CERKL: variants seen among roughly 807,000 people sequenced by gnomAD.
CERKL encodes the protein CERK like autophagy regulator.
A neutral mutation model predicts 63.4 loss-of-function variants in CERKL; 61 were observed. The observed-to-expected ratio is 0.96, with a 90% confidence interval of 0.78 to 1.19. CERKL has a LOEUF of 1.19. CERKL is among the 50% of genes most tolerant of loss of function. The pLI is 0.00. For synonymous variants in CERKL, 250 were observed against 230.5 expected, an observed-to-expected ratio of 1.08 and a Z score of -0.77; for missense variants, 675 against 655.5, an observed-to-expected ratio of 1.03 and a Z score of -0.33.
At chr2:181,622,839 T>A (rs1194501518) in intron 1 of CERKL, among the ~76,000 whole-genome samples, 2 of 152,316 alleles carry the variant, frequency 1.3e-5, no homozygotes, top group Middle Eastern at 3.4e-3. Context: ...AATACAATTA[T>A]GGTCCCAAAG....
intron 6 of CERKL, among the ~76,000 whole-genome samples, 168 bp downstream of exon 6, chr2:181,549,466 G>A (rs1559072558): frequency 6.6e-6 from 1 of 152,078 alleles, no homozygotes; most frequent in Non-Finnish European, 1.5e-5. Flanking sequence ...GAAAAGACAG[G>A]CAATCCACAT....
intron 1 of CERKL, among the ~76,000 whole-genome samples, chr2:181,629,633 CA>C (rs11290035): frequency 0.57 from 80,327 of 142,054 alleles, 22,037 homozygotes; most frequent in East Asian, 0.81. Context: ...TAGTCATAGG[CA>C]AAAAAAAAAA....
intron 5 of CERKL, among the ~76,000 whole-genome samples, chr2:181,553,082 G>T (rs1289476090): frequency 6.6e-6 from 1 of 152,150 alleles, no homozygotes; most frequent in Non-Finnish European, 1.5e-5. Flanking sequence ...CTCAGAATGT[G>T]TTTGGAGGAG....
At chr2:181,596,726 G>A (rs1685225704) in intron 2 of CERKL, among the ~76,000 whole-genome samples, 1 of 152,142 alleles carries the variant, frequency 6.6e-6, no homozygotes, top group Admixed American at 6.5e-5. Flanking sequence ...TTCTACATAA[G>A]TTCATTCAAT....
intron 1 of CERKL, among the ~76,000 whole-genome samples, chr2:181,626,663 G>A (rs557434071): frequency 1.6e-4 from 25 of 152,344 alleles, no homozygotes; most frequent in African/African-American, 6.0e-4. Context: ...GGTACTGTTA[G>A]ATACATTTTG....
At chr2:181,580,705 C>T (rs989702150) in intron 2 of CERKL, among the ~76,000 whole-genome samples, 1 of 152,176 alleles carries the variant, frequency 6.6e-6, no homozygotes, top group African/African-American at 2.4e-5. Context: ...TAACACTGAT[C>T]TCTAGTTTTC....
At chr2:181,587,245 C>T (rs1182301932) in intron 2 of CERKL, among the ~76,000 whole-genome samples, 1 of 152,078 alleles carries the variant, frequency 6.6e-6, no homozygotes, top group African/African-American at 2.4e-5. Flanking sequence ...AAAAACAAAG[C>T]CATGTAACTT....
intron 2 of CERKL, among the ~76,000 whole-genome samples, chr2:181,586,073 C>T (rs1308246851): frequency 2.6e-5 from 4 of 152,080 alleles, no homozygotes; most frequent in African/African-American, 7.2e-5. Flanking sequence ...ATGCAGTAAA[C>T]CTATCTCCCA....
intron 1 of CERKL, among the ~76,000 whole-genome samples, chr2:181,654,651 C>T (rs1209075424): frequency 6.6e-6 from 1 of 152,204 alleles, no homozygotes; most frequent in Admixed American, 6.5e-5. Context: ...AGTACAGTAA[C>T]TTTGATGTAG....
intron 1 of CERKL, among the ~76,000 whole-genome samples, 158 bp from the exon 2 acceptor site, chr2:181,604,237 C>T (rs1685582322): frequency 6.6e-6 from 1 of 152,032 alleles, no homozygotes. Flanking sequence ...ATGAAATAAT[C>T]TGTACAACAA....
intron 12 of CERKL, 145 bp from the exon 13 acceptor site, chr2:181,538,389 A>T (rs1487840418): frequency 1.6e-6 from 1 of 613,008 alleles, no homozygotes; most frequent in African/African-American, 1.9e-5. Flanking sequence ...AAAACTGAGA[A>T]GGTCTGATTG....
chr2:181,586,646 A>G (rs1222087569), intron 2 of CERKL, among the ~76,000 whole-genome samples: 1 of 152,194 alleles, frequency 6.6e-6, no homozygotes, highest in East Asian at 1.9e-4. Context: ...CCAGTTTGCA[A>G]TGAACCAGCA....
At chr2:181,604,863 A>T (rs1685612232) in intron 1 of CERKL, among the ~76,000 whole-genome samples, 1 of 96,424 alleles carries the variant, frequency 1.0e-5, no homozygotes, top group African/African-American at 1.3e-4. Context: ...AATCAGACTT[A>T]AAAAAAAATA....
Position 181,544,693 on chromosome 2 carries a change from A to G in CERKL, c.1365+7T>C, listed in dbSNP as rs747980225. ...TGCAAATAAGTAACAAAAAGAATTT[A>G]CTATACCTGATTTTTTACACTGGCA... is the stretch of plus-strand genomic sequence containing the variant. On this transcript the variant is annotated splice_region_variant and intron_variant, in intron 11 of 12. Transcript: ENST00000410087. The G allele has an allele frequency of 6.5e-7, 1 of 1,537,850 alleles. No homozygotes were observed. Among genetic ancestry groups the G allele is most frequent in the South Asian group, 1.1e-5 (1 of 87,372 alleles).
At chr2:181,651,153 G>C (rs181802670) in intron 1 of CERKL, among the ~76,000 whole-genome samples, 23 of 152,178 alleles carry the variant, frequency 1.5e-4, no homozygotes, top group African/African-American at 5.5e-4. Context: ...CTGAAGCAAA[G>C]GGAATACTTC....
At position 181,564,091 on chromosome 2, in the gene CERKL, T is replaced by G. The variant is rs115412222; in HGVS notation, c.677+1967A>C. 9.7e-3 allele frequency among the ~76,000 whole-genome samples: 1,479 copies of G among 152,248 alleles called. 26 individuals carry two copies. The highest frequency in any genetic ancestry group is 0.034 in the African/African-American group (1,393 of 41,552). On this transcript the variant is annotated intron_variant, in intron 4 of 12. Transcript: ENST00000410087. ...CCTAGATCCCTCGCATGACCAGTTA[T>G]ATCCCTCGCGTGCCCAGTTCACAAT...
intron 1 of CERKL, among the ~76,000 whole-genome samples, chr2:181,647,963 T>A (rs1418573621): frequency 6.6e-6 from 1 of 151,744 alleles, no homozygotes; most frequent in Non-Finnish European, 1.5e-5. Context: ...GCTTCAAGAA[T>A]AGACCAGATC....
At chr2:181,611,399 C>T (rs1685962866) in intron 1 of CERKL, among the ~76,000 whole-genome samples, 1 of 151,962 alleles carries the variant, frequency 6.6e-6, no homozygotes, top group African/African-American at 2.4e-5. Flanking sequence ...TGGCTAATGC[C>T]TGTGATTGCA....
Position 181,553,685 on chromosome 2 carries a change from A to C in CERKL, c.821-3977T>G, listed in dbSNP as rs556536192. On this transcript the variant is annotated intron_variant, in intron 5 of 12. Transcript: ENST00000410087. The stretch of plus-strand genomic sequence containing the variant: ...TTCTGTAGAAGTTGGCAGTGATAAC[A>C]GACATGACTAGAAGTCAGAAAATTA... Among the ~76,000 whole-genome samples the C allele has an allele frequency of 1.2e-4, 18 of 152,344 alleles. 1 individual carries two copies. In the South Asian group the frequency reaches 3.5e-3, roughly 30 times the overall value.
Sources: allele counts gnomAD v4.1 joint callset (sites outside exome capture counted in the v4.1 genomes callset), GRCh38; gene constraint gnomAD v4.1.1; transcripts MANE v1.5; gene names NCBI Gene and HGNC (gene_info 2026-07-23, HGNC 2026-07-21).